The following ZCCHC7 variants were observed in gnomAD, a reference collection of about 807,000 sequenced individuals.
ZCCHC7 encodes zinc finger CCHC domain-containing protein 7.
ZCCHC7 carries 35 observed loss-of-function variants against 52.0 expected under a neutral mutation model. The observed-to-expected ratio is 0.67, with a 90% CI of 0.51 to 0.89. The LOEUF is 0.89. Among genes scored for constraint, ZCCHC7 ranks in the 40% least tolerant of loss-of-function variants. The pLI is 0.00. For missense variants in ZCCHC7, 574 were observed against 649.1 expected (o/e 0.88, Z 1.26); for synonymous variants, 217 against 221.5 (o/e 0.98, Z 0.18).
intron 5 of ZCCHC7, among the ~76,000 whole-genome samples, chr9:37,326,568 A>G (rs970579552): frequency 5.3e-5 from 8 of 151,742 alleles, no homozygotes; most frequent in African/African-American, 1.2e-4. Context: ...AAAATTTTTC[A>G]GCATAGATAT....
chr9:37,265,280 G>T (rs1042365974), intron 2 of ZCCHC7, among the ~76,000 whole-genome samples: 3 of 151,998 alleles, frequency 2.0e-5, no homozygotes, highest in South Asian at 2.1e-4. Flanking sequence ...TTTAAATCAC[G>T]TTCCAGTTTA....
chr9:37,348,405 G>C (rs998071972), intron 6 of ZCCHC7, among the ~76,000 whole-genome samples: 1 of 81,576 alleles, frequency 1.2e-5, no homozygotes, highest in Non-Finnish European at 2.5e-5. Context: ...TTGACATGGA[G>C]TCTCGCTTTT....
intron 2 of ZCCHC7, among the ~76,000 whole-genome samples, chr9:37,252,240 G>A (rs1306227876): frequency 6.6e-6 from 1 of 152,062 alleles, no homozygotes; most frequent in Non-Finnish European, 1.5e-5. Context: ...GTGATTTTAA[G>A]TAACTTATTT....
At chr9:37,184,212 G>T (rs1208739945) in intron 2 of ZCCHC7, among the ~76,000 whole-genome samples, 1 of 152,214 alleles carries the variant, frequency 6.6e-6, no homozygotes, top group South Asian at 2.1e-4. Context: ...GTCATACTTT[G>T]TTATGGAGCA....
chr9:37,271,268 T>C (rs1263795790), intron 2 of ZCCHC7, among the ~76,000 whole-genome samples: 3 of 152,130 alleles, frequency 2.0e-5, no homozygotes, highest in Non-Finnish European at 4.4e-5. Context: ...GACTATCTCA[T>C]GAAAATACAA....
At chr9:37,138,032 C>T (rs1843071864) in intron 2 of ZCCHC7, among the ~76,000 whole-genome samples, 1 of 152,154 alleles carries the variant, frequency 6.6e-6, no homozygotes, top group South Asian at 2.1e-4. Flanking sequence ...TCAAGGAGCT[C>T]CCTCTCTGAT....
Position 37,214,092 on chromosome 9 carries a change from T to C in ZCCHC7, c.610+87150T>C, listed in dbSNP as rs542846393. On this transcript the variant is annotated intron_variant, in intron 2 of 8. Coordinates refer to ENST00000336755, the MANE Select transcript of ZCCHC7 (RefSeq NM_032226.3). ...TAGATATTTTACAAAGAATCACTTA[T>C]TCCTAGGATTGTTCCCCAAGACATC... 2.0e-5 allele frequency among the ~76,000 whole-genome samples: 3 copies of C among 150,430 alleles called. No individual in the cohort carries two copies. The South Asian group carries it at 6.2e-4, about 31-fold the overall frequency.
intron 6 of ZCCHC7, among the ~76,000 whole-genome samples, chr9:37,336,874 A>G (rs1260727677): frequency 2.0e-5 from 3 of 152,084 alleles, no homozygotes; most frequent in Non-Finnish European, 2.9e-5. Context: ...GTCCTTCTCC[A>G]TCCATGTACT....
chr9:37,289,150 C>CTT (rs756165414), intron 2 of ZCCHC7, among the ~76,000 whole-genome samples: 9 of 141,440 alleles, frequency 6.4e-5, no homozygotes, highest in Non-Finnish European at 7.8e-5. Context: ...TCTTCTTTTA[C>CTT]TTTTTTTTTT....
At chr9:37,131,565 A>G (rs1311908033) in intron 2 of ZCCHC7, among the ~76,000 whole-genome samples, 5 of 152,190 alleles carry the variant, frequency 3.3e-5, no homozygotes, top group African/African-American at 1.2e-4. Flanking sequence ...GAATTGCTTC[A>G]ACCTGGGAGG....
At chr9:37,284,262 A>AGTT (rs1321305774) in intron 2 of ZCCHC7, 2 of 152,216 alleles carry the variant, frequency 1.3e-5, no homozygotes, top group Non-Finnish European at 2.9e-5. Context: ...TGTGAATTCA[A>AGTT]GTTAGACAGT....
At chr9:37,128,774 A>T (rs1842644367) in intron 2 of ZCCHC7, among the ~76,000 whole-genome samples, 1 of 152,216 alleles carries the variant, frequency 6.6e-6, no homozygotes, top group Non-Finnish European at 1.5e-5. Flanking sequence ...AATTAAAATG[A>T]TGTGAACTTG....
chr9:37,342,498 A>G lies in ZCCHC7; in HGVS notation c.988-6859A>G, dbSNP rs548099034. ...ATACTATTAGATGAGAGCAGATTCA[A>G]TAGAGAAGAAAAGCAGTCTAAGGAC... On this transcript the variant is annotated intron_variant, in intron 6 of 8. Coordinates refer to ENST00000336755, the MANE Select transcript of ZCCHC7 (RefSeq NM_032226.3). 2.2e-4 allele frequency among the ~76,000 whole-genome samples: 34 copies of G among 152,372 alleles called. No individual in the cohort carries two copies. The South Asian group carries it at 6.8e-3, about 31-fold the overall frequency.
chr9:37,228,063 C>T (rs1588514439), intron 2 of ZCCHC7, among the ~76,000 whole-genome samples: 2 of 152,166 alleles, frequency 1.3e-5, no homozygotes, highest in African/African-American at 4.8e-5. Context: ...TCTCAAAGTG[C>T]TGGGATTACA....
chr9:37,253,547 G>T (rs1181555510), intron 2 of ZCCHC7, among the ~76,000 whole-genome samples: 1 of 151,900 alleles, frequency 6.6e-6, no homozygotes, highest in East Asian at 1.9e-4. Context: ...AAGAAGAAAA[G>T]AACAAATTTC....
At position 37,120,623 on chromosome 9, in the gene ZCCHC7, A is replaced by G. The variant is rs1842262519; in HGVS notation, c.-22A>G. 1 of 397,470 alleles carries G rather than the reference A, an allele frequency of 2.5e-6. No individual in the cohort carries two copies. Among genetic ancestry groups the G allele is most frequent in the South Asian group, 1.3e-4 (1 of 7,872 alleles). 24.6% of individuals were successfully genotyped at this position (397,470 alleles called of 1,614,324 possible). On this transcript the variant is annotated splice_region_variant and 5_prime_UTR_variant, in exon 1 of 9. Coordinates refer to ENST00000336755, the MANE Select transcript of ZCCHC7 (RefSeq NM_032226.3). ...GGTGCTTCCTGTTCGCAGCTGCGGC[A>G]GTGAGTATGTGTGTGACGGACCCCC... is the stretch of plus-strand genomic sequence containing the variant.
intron 5 of ZCCHC7, among the ~76,000 whole-genome samples, chr9:37,308,021 A>G (rs989834626): frequency 1.3e-5 from 2 of 152,192 alleles, no homozygotes; most frequent in Non-Finnish European, 2.9e-5. Flanking sequence ...CACTGCACTC[A>G]TCAACATTAA....
chr9:37,278,928 A>T (rs1827816366), intron 2 of ZCCHC7, among the ~76,000 whole-genome samples: 1 of 152,224 alleles, frequency 6.6e-6, no homozygotes, highest in Admixed American at 6.5e-5. Context: ...TCACACCTGT[A>T]ATCCCAGCAT....
intron 2 of ZCCHC7, among the ~76,000 whole-genome samples, chr9:37,258,757 T>TAAAA (rs5897683): frequency 0.012 from 655 of 55,338 alleles, 70 homozygotes; most frequent in African/African-American, 0.046. Flanking sequence ...TCCTGTCTCT[T>TAAAA]AAAAAAAAAA....
Sources: allele counts gnomAD v4.1 joint callset (sites outside exome capture counted in the v4.1 genomes callset), GRCh38; gene constraint gnomAD v4.1.1; transcripts MANE v1.5; gene names NCBI Gene and HGNC (gene_info 2026-07-23, HGNC 2026-07-21).